NRXN3: variants seen among roughly 807,000 people sequenced by gnomAD.
The protein encoded by NRXN3 is neurexin III.
In NRXN3, 32 loss-of-function variants were observed where a neutral mutation model predicts 137.6. That is an observed-to-expected ratio of 0.23 (90% CI 0.18 to 0.31). The LOEUF is 0.31. Ranked by LOEUF, NRXN3 falls within the 10% of genes least tolerant of loss-of-function variation. NRXN3 has a pLI of 1.00. For missense variants in NRXN3, 1,574 were observed against 2,062.5 expected (o/e 0.76, Z 4.59); for synonymous variants, 798 against 784.5 (o/e 1.02, Z -0.29).
chr14:78,483,312 A>G (rs2095503891), intron 4 of NRXN3, among the ~76,000 whole-genome samples: 1 of 152,192 alleles, frequency 6.6e-6, no homozygotes, highest in Admixed American at 6.5e-5. Context: ...TTTGGGAATG[A>G]ATTAGCAACT....
intron 15 of NRXN3, among the ~76,000 whole-genome samples, chr14:79,225,956 A>G: frequency 6.6e-6 from 1 of 151,974 alleles, no homozygotes; most frequent in East Asian, 1.9e-4. Context: ...TTAAAGACTC[A>G]TGTGATTAGA....
chr14:78,740,549 T>C (rs1264258189), intron 8 of NRXN3, among the ~76,000 whole-genome samples: 5 of 151,120 alleles, frequency 3.3e-5, no homozygotes, highest in African/African-American at 9.7e-5. Flanking sequence ...CTTTTCTTTT[T>C]TTTTTTTTTA....
chr14:79,000,827 A>C (rs2099539928), intron 15 of NRXN3, among the ~76,000 whole-genome samples: 1 of 152,214 alleles, frequency 6.6e-6, no homozygotes, highest in Admixed American at 6.5e-5. Context: ...ATAATATGTT[A>C]AAACAAGAAA....
chr14:78,213,092 T>C (rs1053560368), intron 1 of NRXN3, among the ~76,000 whole-genome samples: 4 of 152,126 alleles, frequency 2.6e-5, no homozygotes, highest in Admixed American at 2.0e-4. Context: ...TTGGCAAAAC[T>C]CATCTAGTGC....
chr14:79,677,842 T>A (rs2098648934), intron 17 of NRXN3, among the ~76,000 whole-genome samples: 1 of 152,130 alleles, frequency 6.6e-6, no homozygotes, highest in South Asian at 2.1e-4. Context: ...TTCCAGTAGT[T>A]GTATGTAATT....
At chr14:78,971,591 TA>T (rs748120457) in intron 14 of NRXN3, among the ~76,000 whole-genome samples, 31 of 152,060 alleles carry the variant, frequency 2.0e-4, no homozygotes, top group Admixed American at 5.2e-4. Flanking sequence ...GCAGGTAAAA[TA>T]AAAGGCAAAA....
chr14:78,570,850 G>T (rs556566744), intron 4 of NRXN3, among the ~76,000 whole-genome samples: 44 of 152,184 alleles, frequency 2.9e-4, no homozygotes, highest in Non-Finnish European at 5.4e-4. Flanking sequence ...GAGTCTAAAA[G>T]GGAGACAGGG....
Position 79,514,849 on chromosome 14 carries a change from C to T in NRXN3, c.3444+47447C>T, listed in dbSNP as rs540570479. 1.6e-4 allele frequency among the ~76,000 whole-genome samples: 24 copies of T among 151,142 alleles called. No homozygotes were observed. The South Asian group carries it at 4.8e-3, about 30-fold the overall frequency. Reference sequence around the variant, plus strand: ...ATGTGGAAGTCAAATGACTGCTTCTCTTTAAAAAGTGTTGGAATGATGCGT... The same window carrying T: ...ATGTGGAAGTCAAATGACTGCTTCTTTTTAAAAAGTGTTGGAATGATGCGT... On this transcript the variant is annotated intron_variant, in intron 16 of 20. Transcript: ENST00000335750.
intron 19 of NRXN3, among the ~76,000 whole-genome samples, chr14:79,784,615 T>G (rs2099123745): frequency 6.6e-5 from 2 of 30,314 alleles, no homozygotes; most frequent in Non-Finnish European, 1.5e-4. Flanking sequence ...GTTGTGTTGC[T>G]TTTTTTTTTT....
At chr14:79,441,406 G>T (rs1281273005) in intron 15 of NRXN3, among the ~76,000 whole-genome samples, 1 of 113,444 alleles carries the variant, frequency 8.8e-6, no homozygotes, top group Non-Finnish European at 1.6e-5. Context: ...TTGAGACGGA[G>T]TCTCGCTCTG....
At chr14:79,775,644 GA>G (rs772072265) in intron 19 of NRXN3, among the ~76,000 whole-genome samples, 4 of 151,300 alleles carry the variant, frequency 2.6e-5, no homozygotes, top group Non-Finnish European at 4.4e-5. Flanking sequence ...TAGAGTTCTA[GA>G]TGCCCATTTT....
At chr14:78,991,331 C>T (rs2099518436) in intron 15 of NRXN3, among the ~76,000 whole-genome samples, 1 of 152,162 alleles carries the variant, frequency 6.6e-6, no homozygotes, top group African/African-American at 2.4e-5. Context: ...ATCAAGGAAA[C>T]CTGGCTTTTA....
At chr14:78,297,261 A>G (rs2076434076) in intron 3 of NRXN3, among the ~76,000 whole-genome samples, 1 of 152,184 alleles carries the variant, frequency 6.6e-6, no homozygotes, top group African/African-American at 2.4e-5. Flanking sequence ...GTAAACAGGA[A>G]CTTATTTGAT....
intron 4 of NRXN3, among the ~76,000 whole-genome samples, chr14:78,601,486 T>C (rs961724131): frequency 1.3e-5 from 2 of 151,802 alleles, no homozygotes; most frequent in Admixed American, 1.3e-4. Context: ...GGAATCTCAC[T>C]GTGTTGCCCA....
chr14:79,692,267 C>T lies in NRXN3; in HGVS notation c.3706+5C>T. 1 of 1,593,436 alleles carries T rather than the reference C, an allele frequency of 6.3e-7. No individual in the cohort carries two copies. The highest frequency in any genetic ancestry group is 1.1e-5 in the South Asian group (1 of 87,816). On this transcript the variant is annotated splice_donor_5th_base_variant and intron_variant, in intron 18 of 20. Transcript: ENST00000335750. ...AGGAGTGGCTGCAGGAAAAAGGTAA[C>T]CGTCATTAAAACTTTCATTTTAAAA...
At chr14:78,837,194 G>T (rs1011409799) in intron 10 of NRXN3, among the ~76,000 whole-genome samples, 1 of 152,296 alleles carries the variant, frequency 6.6e-6, no homozygotes, top group East Asian at 1.9e-4. Flanking sequence ...AAGAATTACA[G>T]CATTACTATC....
chr14:79,119,215 G>T (rs912495275), intron 15 of NRXN3, among the ~76,000 whole-genome samples: 1 of 151,842 alleles, frequency 6.6e-6, no homozygotes, highest in East Asian at 1.9e-4. Context: ...TATGAGTTTG[G>T]TTCATTTTAT....
At chr14:79,672,520 A>G (rs2098614499) in intron 17 of NRXN3, among the ~76,000 whole-genome samples, 2 of 152,048 alleles carry the variant, frequency 1.3e-5, no homozygotes, top group Non-Finnish European at 2.9e-5. Context: ...TATTAATAAC[A>G]TCTCCCTCTA....
chr14:78,765,566 G>A (rs989997973), intron 8 of NRXN3, among the ~76,000 whole-genome samples: 9 of 152,138 alleles, frequency 5.9e-5, no homozygotes, highest in Admixed American at 2.0e-4. Flanking sequence ...AACTCCATAG[G>A]TTACAAGGAT....
Sources: allele counts gnomAD v4.1 joint callset (sites outside exome capture counted in the v4.1 genomes callset), GRCh38; gene constraint gnomAD v4.1.1; transcripts MANE v1.5; gene names NCBI Gene and HGNC (gene_info 2026-07-23, HGNC 2026-07-21).